Variants in FMN2 observed in about 807,000 individuals in gnomAD.
FMN2 encodes the protein formin-2.
Under a neutral mutation model 142.3 loss-of-function variants are expected in FMN2, and 51 were observed. The ratio of observed to expected loss-of-function variants is 0.36; its 90% CI spans 0.29 to 0.45. The LOEUF is 0.45. FMN2 is among the 20% of genes least tolerant of loss of function. The probability of loss-of-function intolerance (pLI) is 1.00; values close to 1 mark genes in which losing one functional copy is unlikely to be tolerated. For synonymous variants in FMN2, 882 were observed against 869.8 expected (o/e 1.01, Z -0.25); for missense variants, 1,936 against 2,122.8 (o/e 0.91, Z 1.73).
chr1:240,199,321 C>A (rs944601265), intron 4 of FMN2, among the ~76,000 whole-genome samples: 4 of 152,116 alleles, frequency 2.6e-5, no homozygotes, highest in Non-Finnish European at 2.9e-5. Context: ...CGTTAACTTA[C>A]CAATAAGCAG....
At position 240,241,504 on chromosome 1, in the gene FMN2, G is replaced by A. The variant is rs545762427; in HGVS notation, c.4066-16441G>A. ...CAGAGGACAAGTGAACTTTGGAGTCGGACTTAGCTGACAGGAAATCCCAGC... is the reference window on the plus strand; with the variant it reads ...CAGAGGACAAGTGAACTTTGGAGTCAGACTTAGCTGACAGGAAATCCCAGC... On this transcript the variant is annotated intron_variant, in intron 6 of 17. Coordinates refer to ENST00000319653, the MANE Select transcript of FMN2 (RefSeq NM_020066.5). Among the ~76,000 whole-genome samples the A allele has an allele frequency of 2.0e-5, 3 of 152,174 alleles. No homozygotes were observed. The East Asian group carries it at 5.8e-4, about 29-fold the overall frequency.
chr1:240,100,688 G>T (rs182209657), intron 1 of FMN2, among the ~76,000 whole-genome samples: 2 of 152,296 alleles, frequency 1.3e-5, no homozygotes, highest in East Asian at 3.9e-4. Context: ...TTGTAAAGAT[G>T]TACTTGGAAG....
intron 2 of FMN2, chr1:240,144,065 TCCTCAAAGGAGTA>T (rs762815711): frequency 2.3e-5 from 25 of 1,093,404 alleles, no homozygotes; most frequent in Non-Finnish European, 3.4e-5. Context: ...CTTAATGTAG[TCCTCAAAGGAGTA>T]CAGGTTACTT....
At chr1:240,210,645 A>G (rs1249686507) in intron 5 of FMN2, among the ~76,000 whole-genome samples, 1 of 152,176 alleles carries the variant, frequency 6.6e-6, no homozygotes, top group Non-Finnish European at 1.5e-5. Flanking sequence ...AGTCACTGAG[A>G]AGACAAATAA....
At chr1:240,400,530 T>A (rs1673941361) in intron 15 of FMN2, 1 of 152,268 alleles carries the variant, frequency 6.6e-6, no homozygotes. Flanking sequence ...TTCTGCCTGG[T>A]GTACTGTGGG....
At chr1:240,290,647 A>C (rs918174711) in intron 7 of FMN2, among the ~76,000 whole-genome samples, 1 of 152,154 alleles carries the variant, frequency 6.6e-6, no homozygotes, top group Non-Finnish European at 1.5e-5. Flanking sequence ...GTCTTGATCA[A>C]AGACACACAG....
intron 7 of FMN2, among the ~76,000 whole-genome samples, chr1:240,277,252 A>G (rs1226467395): frequency 2.0e-5 from 3 of 152,154 alleles, no homozygotes; most frequent in Non-Finnish European, 4.4e-5. Flanking sequence ...ATACAGATTG[A>G]GTTATTGATG....
At chr1:240,154,130 A>AAAG (rs1558324903) in intron 2 of FMN2, among the ~76,000 whole-genome samples, 1 of 75,404 alleles carries the variant, frequency 1.3e-5, no homozygotes, top group East Asian at 3.7e-4. Context: ...AAAAAAAAAA[A>AAAG]AGTGTTACTA....
intron 13 of FMN2, among the ~76,000 whole-genome samples, chr1:240,345,736 G>A (rs1208188096): frequency 3.3e-5 from 5 of 152,034 alleles, no homozygotes; most frequent in Non-Finnish European, 7.4e-5. Context: ...ACCTGCCTCG[G>A]CCTCCCAAAG....
intron 13 of FMN2, among the ~76,000 whole-genome samples, chr1:240,336,810 C>A (rs1671580046): frequency 6.6e-6 from 1 of 151,974 alleles, no homozygotes; most frequent in South Asian, 2.1e-4. Flanking sequence ...AAAATGGAAT[C>A]AGCTTGAAGA....
intron 2 of FMN2, among the ~76,000 whole-genome samples, chr1:240,148,449 AG>A (rs1188766274): frequency 4.0e-4 from 46 of 114,580 alleles, no homozygotes; most frequent in Admixed American, 3.0e-3. Context: ...AGACAGAGAG[AG>A]AGAAAGAGAG....
At chr1:240,144,948 G>C (rs532887182) in intron 2 of FMN2, 1 of 1,274,506 alleles carries the variant, frequency 7.8e-7, no homozygotes, top group Non-Finnish European at 1.1e-6. Flanking sequence ...CCTACTAGCC[G>C]ATACTTGAGG....
chr1:240,190,338 A>G (rs1665652851), intron 4 of FMN2, among the ~76,000 whole-genome samples: 1 of 152,214 alleles, frequency 6.6e-6, no homozygotes, highest in African/African-American at 2.4e-5. Flanking sequence ...CGACAATGAC[A>G]TCACTTACTT....
rs192894225 is a variant in FMN2 at position 240,308,940 on chromosome 1, G to A, written c.4215+14057G>A. 2.8e-3 allele frequency among the ~76,000 whole-genome samples: 426 copies of A among 150,062 alleles called. 2 individuals carry two copies. The highest frequency in any genetic ancestry group is 0.017 in the South Asian group (82 of 4,826). On this transcript the variant is annotated intron_variant, in intron 8 of 17. Coordinates refer to ENST00000319653, the MANE Select transcript of FMN2 (RefSeq NM_020066.5). ...AAAATGGGGCAATGAGAATTCTGTG[G>A]TTATGTTAGGTTTGAGTGGTCTGTT...
intron 13 of FMN2, among the ~76,000 whole-genome samples, chr1:240,347,773 G>T (rs1671957985): frequency 6.6e-6 from 1 of 152,090 alleles, no homozygotes; most frequent in South Asian, 2.1e-4. Context: ...GCTCCCACTT[G>T]TAAGTGAGAA....
At chr1:240,102,044 CTCT>C (rs1211099042) in intron 1 of FMN2, among the ~76,000 whole-genome samples, 1 of 152,074 alleles carries the variant, frequency 6.6e-6, no homozygotes, top group African/African-American at 2.4e-5. Context: ...ACTATTAATT[CTCT>C]TACTTCAATA....
chr1:240,152,573 C>T (rs1663834924), intron 2 of FMN2, among the ~76,000 whole-genome samples: 1 of 152,196 alleles, frequency 6.6e-6, no homozygotes, highest in South Asian at 2.1e-4. Flanking sequence ...TCTTCTTACG[C>T]TTGTTCCCAT....
At chr1:240,418,759 C>T (rs1410644066) in intron 15 of FMN2, among the ~76,000 whole-genome samples, 1 of 152,166 alleles carries the variant, frequency 6.6e-6, no homozygotes, top group Non-Finnish European at 1.5e-5. Context: ...CTTAAATATT[C>T]AGTATCTTTC....
In FMN2 at chr1:240,210,797, CTGAGA is replaced by C. The variant is rs1391419708; in HGVS notation, c.3921-292_3921-288del. Among the ~76,000 whole-genome samples the C allele has an allele frequency of 1.1e-4, 17 of 152,280 alleles. No individual in the cohort carries two copies. The South Asian group carries it at 2.5e-3, about 22-fold the overall frequency. On this transcript the variant is annotated intron_variant, in intron 5 of 17. Transcript: ENST00000319653. ...ACATTTCTTGCCTCCCTAGCCCACACTGAGATAAGTTTTCTTTTTACATTTTTATA... is the reference window on the plus strand; with the variant it reads ...ACATTTCTTGCCTCCCTAGCCCACACTAAGTTTTCTTTTTACATTTTTATA...
Sources: allele counts gnomAD v4.1 joint callset (sites outside exome capture counted in the v4.1 genomes callset), GRCh38; gene constraint gnomAD v4.1.1; transcripts MANE v1.5; gene names NCBI Gene and HGNC (gene_info 2026-07-23, HGNC 2026-07-21).